Variants in DOCK7 observed in about 807,000 individuals in gnomAD.
DOCK7 encodes the protein dedicator of cytokinesis 7.
Under a neutral mutation model 271.0 loss-of-function variants are expected in DOCK7, and 138 were observed. The ratio of observed to expected loss-of-function variants is 0.51; its 90% CI spans 0.44 to 0.59. The LOEUF (loss-of-function observed/expected upper bound fraction) is 0.59. DOCK7 is among the 20% of genes least tolerant of loss of function. DOCK7 has a pLI of 0.00. For synonymous variants in DOCK7, 823 were observed against 876.1 expected (o/e 0.94, Z 1.07); for missense variants, 2,066 against 2,592.4 (o/e 0.80, Z 4.41).
intron 43 of DOCK7, chr1:62,481,378 A>T (rs1646121776): frequency 6.6e-6 from 1 of 152,178 alleles, no homozygotes; most frequent in South Asian, 2.1e-4. Flanking sequence ...AAGGCTGAGA[A>T]TTTGACTATT....
At chr1:62,672,446 C>A (rs1435891278) in intron 1 of DOCK7, among the ~76,000 whole-genome samples, 2 of 152,100 alleles carry the variant, frequency 1.3e-5, no homozygotes, top group African/African-American at 4.8e-5. Flanking sequence ...AAGAGTTTCA[C>A]ATAACTGATA....
At chr1:62,515,122 C>T (rs961439132) in intron 31 of DOCK7, among the ~76,000 whole-genome samples, 1 of 149,476 alleles carries the variant, frequency 6.7e-6, no homozygotes, top group Non-Finnish European at 1.5e-5. Context: ...TATTATTACT[C>T]ACCTCATCTT....
chr1:62,582,346 C>A (rs1054540396), intron 16 of DOCK7, among the ~76,000 whole-genome samples: 3 of 150,862 alleles, frequency 2.0e-5, no homozygotes, highest in Non-Finnish European at 4.4e-5. Flanking sequence ...GTCAGGAGAT[C>A]GAGACCATCC....
chr1:62,687,475 T>C (rs1026566369), intron 1 of DOCK7: 1 of 152,208 alleles, frequency 6.6e-6, no homozygotes, highest in Non-Finnish European at 1.5e-5. Flanking sequence ...CTATCATCCA[T>C]CTTCTCGGGT....
chr1:62,582,895 A>G (rs1647180532), intron 16 of DOCK7, among the ~76,000 whole-genome samples: 1 of 152,238 alleles, frequency 6.6e-6, no homozygotes, highest in South Asian at 2.1e-4. Flanking sequence ...TCAGGTGGAA[A>G]TAACTGGGAA....
At chr1:62,519,104 T>C (rs1306194137) in intron 31 of DOCK7, among the ~76,000 whole-genome samples, 1 of 151,576 alleles carries the variant, frequency 6.6e-6, no homozygotes, top group East Asian at 1.9e-4. Flanking sequence ...GAAAGTGCAA[T>C]CCACCAAAAA....
intron 9 of DOCK7, chr1:62,634,386 T>C (rs1654998233): frequency 6.6e-6 from 1 of 152,338 alleles, no homozygotes; most frequent in East Asian, 1.9e-4. Flanking sequence ...TTTTTTTTTT[T>C]TTTTTTGCAG....
At chr1:62,508,471 T>C (rs1183048146) in intron 34 of DOCK7, among the ~76,000 whole-genome samples, 2 of 152,206 alleles carry the variant, frequency 1.3e-5, no homozygotes, top group Non-Finnish European at 2.9e-5. Context: ...TCAGGATAAA[T>C]GTACTTAATT....
chr1:62,598,687 T>C, intron 14 of DOCK7: 1 of 1,532,672 alleles, frequency 6.5e-7, no homozygotes, highest in Non-Finnish European at 9.0e-7. Flanking sequence ...ACCTACTCTC[T>C]ATATCCAGAC....
At chr1:62,474,167 T>C in intron 47 of DOCK7, 79 bp from the exon 48 acceptor site, 1 of 1,240,312 alleles carries the variant, frequency 8.1e-7, no homozygotes, top group Non-Finnish European at 1.2e-6. Context: ...AAATGATTTT[T>C]CTTAGCTCTG....
At position 62,539,892 on chromosome 1, in the gene DOCK7, C is replaced by T; in HGVS notation, c.3046G>A (p.Val1016Ile). The change falls in exon 26 of 50, where the codon GTA becomes ATA. Residue 1016 changes from valine to isoleucine, a missense_variant and splice_region_variant. Around this residue, in one of 2 missense-constraint regions of DOCK7, gnomAD observed 1,414 missense variants for 1,670.4 expected, o/e 0.85. Coordinates refer to ENST00000635253, the MANE Select transcript of DOCK7 (RefSeq NM_001367561.1). ...QQAWFFFELM[V>I]KSMVHHLYFN... ...TATAAATGGTGCACCATGCTCTTTA[C>T]CTGAAAAAAAGATATAAATTATTAA... 6.4e-7 allele frequency: 1 copy of T among 1,574,134 alleles called. No homozygotes were observed. Among genetic ancestry groups the T allele is most frequent in the Non-Finnish European group, 8.6e-7 (1 of 1,162,908 alleles).
chr1:62,674,670 AT>A (rs1177359603), intron 1 of DOCK7, among the ~76,000 whole-genome samples: 4 of 152,034 alleles, frequency 2.6e-5, no homozygotes, highest in South Asian at 2.1e-4. Flanking sequence ...TGATCAACTG[AT>A]TTTTTTTGAC....
At position 62,513,517 on chromosome 1, in the gene DOCK7, G is replaced by C; in HGVS notation, c.4209C>G (p.Ser1403Arg). 1.2e-6 allele frequency: 2 copies of C among 1,614,090 alleles called. No homozygotes were observed. Among genetic ancestry groups the C allele is most frequent in the Non-Finnish European group, 1.7e-6 (2 of 1,179,992 alleles). Residue 1403 changes from serine (S) to arginine (R), a missense_variant, in exon 33 of 50, where the codon AGC becomes AGG. Coordinates refer to ENST00000635253, the MANE Select transcript of DOCK7 (RefSeq NM_001367561.1). ...GTACCATTTCTTGCCTGGCACCTAT[G>C]CTCCCAAGAATAGCTTCTTCAAGCT... Reference protein sequence around the residue: ...RAKLEEAILGSIGARQEMVRR... With the variant: ...RAKLEEAILGRIGARQEMVRR...
intron 48 of DOCK7, among the ~76,000 whole-genome samples, chr1:62,471,428 G>C (rs1645827514): frequency 6.6e-6 from 1 of 152,180 alleles, no homozygotes; most frequent in African/African-American, 2.4e-5. Context: ...TTGGGAGGCT[G>C]AGGTGGGAGG....
chr1:62,593,485 G>A (rs1648761820), intron 14 of DOCK7, among the ~76,000 whole-genome samples: 2 of 152,028 alleles, frequency 1.3e-5, no homozygotes, highest in South Asian at 2.1e-4. Context: ...CAGGAGAATC[G>A]CTTGAACCCA....
intron 1 of DOCK7, among the ~76,000 whole-genome samples, chr1:62,686,896 T>G (rs1339521339): frequency 6.7e-6 from 1 of 149,878 alleles, no homozygotes; most frequent in African/African-American, 2.5e-5. Context: ...AAAAAAAGCC[T>G]CTGCCTCGAA....
chr1:62,556,094 C>A (rs1399681203), intron 20 of DOCK7, 105 bp from the exon 21 acceptor site: 1 of 1,127,150 alleles, frequency 8.9e-7, no homozygotes, highest in Non-Finnish European at 1.3e-6. Flanking sequence ...AGTATAGTGA[C>A]TACACAGTAA....
At chr1:62,525,531 A>G (rs1444881554) in intron 31 of DOCK7, among the ~76,000 whole-genome samples, 1 of 152,180 alleles carries the variant, frequency 6.6e-6, no homozygotes, top group Non-Finnish European at 1.5e-5. Flanking sequence ...ATACTTCACA[A>G]AAGAAAAGTT....
chr1:62,501,752 T>C lies in DOCK7; in HGVS notation c.4764+2878A>G, dbSNP rs146520592. Among the ~76,000 whole-genome samples, 278 of 152,190 alleles carry C rather than the reference T, an allele frequency of 1.8e-3. 1 individual carries two copies. Among genetic ancestry groups the C allele is most frequent in the African/African-American group, 6.5e-3 (270 of 41,548 alleles). ...ATGTATTTCTGGATTTATATACACG[T>C]AAGAAAGTAAATATAAAGCTTACTC... is the stretch of plus-strand genomic sequence containing the variant. On this transcript the variant is annotated intron_variant, in intron 37 of 49. Transcript: ENST00000635253.
Sources: allele counts gnomAD v4.1 joint callset (sites outside exome capture counted in the v4.1 genomes callset), GRCh38; gene constraint gnomAD v4.1.1; regional missense constraint gnomAD v4.1.1; transcripts MANE v1.5; gene names NCBI Gene and HGNC (gene_info 2026-07-23, HGNC 2026-07-21).